The following AP3B2 variants were observed in gnomAD, a reference collection of about 807,000 sequenced individuals.
AP3B2 encodes the protein adaptor related protein complex 3 subunit beta 2, also known as AP-3 complex subunit beta-2.
A neutral mutation model predicts 126.9 loss-of-function variants in AP3B2; 50 were observed. The observed-to-expected ratio is 0.39, with a 90% CI of 0.31 to 0.50. The LOEUF (loss-of-function observed/expected upper bound fraction) is 0.50, where lower values mean the gene tolerates loss of function less well. AP3B2 is among the 20% of genes least tolerant of loss of function. The pLI is 0.79. For synonymous variants in AP3B2, 541 were observed against 565.0 expected, an observed-to-expected ratio of 0.96 and a Z score of 0.60; for missense variants, 1,177 against 1,426.4, an observed-to-expected ratio of 0.83 and a Z score of 2.82.
Position 82,663,316 on chromosome 15 carries a change from A to G in AP3B2, c.2498-83T>C, listed in dbSNP as rs556476310. On this transcript the variant is annotated intron_variant, in intron 21 of 26. Transcript: ENST00000535359. ...GGAGCCTAGGGATCAAGGAGCACGC[A>G]TTTCAGCACCATGGACAGCGGGGCA... The G allele has an allele frequency of 3.7e-4, 435 of 1,163,712 alleles. 2 individuals carry two copies. The East Asian group carries it at 7.5e-3, about 20-fold the overall frequency. 72.1% of individuals were successfully genotyped at this position (1,163,712 alleles called of 1,614,324 possible). A position where few individuals can be genotyped will look rare whatever the true frequency, so the allele number is the denominator to read the frequency against.
chr15:82,666,694 G>A lies in AP3B2; in HGVS notation c.1852+53C>T, dbSNP rs2048065248. 7.0e-6 allele frequency: 11 copies of A among 1,575,560 alleles called. No individual in the cohort carries two copies. In the South Asian group the frequency reaches 1.3e-4, roughly 19 times the overall value. ...CAGGAAGGTCTGGGGCAGAGACTCT[G>A]GCCAGTTCCTTTCCATTCCCCTAGG... is the stretch of plus-strand genomic sequence containing the variant. On this transcript the variant is annotated intron_variant, in intron 15 of 26. Transcript: ENST00000535359.
chr15:82,690,094 G>A (rs1297834926), intron 1 of AP3B2, among the ~76,000 whole-genome samples: 1 of 152,180 alleles, frequency 6.6e-6, no homozygotes, highest in African/African-American at 2.4e-5. Context: ...ACAACCAGAA[G>A]CTAGAAGGGG....
chr15:82,708,901 CAAG>C (rs1381419645), intron 1 of AP3B2: 8 of 152,264 alleles, frequency 5.3e-5, no homozygotes, highest in African/African-American at 1.9e-4. Flanking sequence ...ATCGTGAGGA[CAAG>C]AAGGGTCTCA....
chr15:82,692,798 T>C (rs1195610514), intron 1 of AP3B2: 1 of 151,834 alleles, frequency 6.6e-6, no homozygotes, highest in Non-Finnish European at 1.5e-5. Flanking sequence ...TCTAGTGGGA[T>C]GAATAAAGAT....
At chr15:82,687,316 T>C (rs1394472299) in intron 4 of AP3B2, 1 of 152,232 alleles carries the variant, frequency 6.6e-6, no homozygotes, top group Non-Finnish European at 1.5e-5. Flanking sequence ...AGTAGTTGCA[T>C]AGTTGAGACT....
At position 82,676,460 on chromosome 15, in the gene AP3B2, C is replaced by T; in HGVS notation, c.1665+1G>A. 1.2e-6 allele frequency: 2 copies of T among 1,613,560 alleles called. No individual in the cohort carries two copies. Among genetic ancestry groups the T allele is most frequent in the Non-Finnish European group, 1.7e-6 (2 of 1,179,656 alleles). ...CTGGGGGGTCATCTCTTAATCTTTA[C>T]CTGTTTAGAGTTGGTCAGGTAGAGC... On this transcript the variant is annotated splice_donor_variant, in intron 14 of 26. Coordinates refer to ENST00000535359, the MANE Select transcript of AP3B2 (RefSeq NM_001278512.2). LOFTEE classifies it high-confidence loss of function.
At chr15:82,703,624 C>CT (rs547767660) in intron 1 of AP3B2, among the ~76,000 whole-genome samples, 79 of 152,280 alleles carry the variant, frequency 5.2e-4, no homozygotes, top group African/African-American at 1.8e-3. Flanking sequence ...GAAAACGGCA[C>CT]TTTCGATTTT....
intron 4 of AP3B2, chr15:82,687,708 G>C (rs577194427): frequency 6.6e-6 from 1 of 152,294 alleles, no homozygotes; most frequent in African/African-American, 2.4e-5. Flanking sequence ...ACAAGGGGTG[G>C]GCCCTGGATT....
In AP3B2 at chr15:82,681,893, G is replaced by C. The variant is rs1293241077; in HGVS notation, c.361-313C>G. Among the ~76,000 whole-genome samples, 4 of 152,004 alleles carry C rather than the reference G, an allele frequency of 2.6e-5. No individual in the cohort carries two copies. Among genetic ancestry groups the C allele is most frequent in the Non-Finnish European group, 5.9e-5 (4 of 68,008 alleles). Reference sequence around the variant, plus strand: ...CCTGTTCCTTGTAAGGGTTTTTTTGGAGGTGCCTGTTTTAATGCCTGAGGT... The same window carrying C: ...CCTGTTCCTTGTAAGGGTTTTTTTGCAGGTGCCTGTTTTAATGCCTGAGGT... On this transcript the variant is annotated intron_variant, in intron 4 of 26. Coordinates refer to ENST00000535359, the MANE Select transcript of AP3B2 (RefSeq NM_001278512.2). This position sits in a 1 kb window ranked among gnomAD's most constrained non-coding sequence, Gnocchi z 4.0.
chr15:82,688,571 C>G lies in AP3B2; in HGVS notation c.360+165G>C, dbSNP rs1370947131. 90 of 725,880 alleles carry G rather than the reference C, an allele frequency of 1.2e-4. No individual in the cohort carries two copies. In the Admixed American group the frequency reaches 1.8e-3, roughly 15 times the overall value. 45.0% of individuals were successfully genotyped at this position (725,880 alleles called of 1,614,324 possible). A position where few individuals can be genotyped will look rare whatever the true frequency, so the allele number is the denominator to read the frequency against. ...CCCTTCTGAGCCCAGCTTCCACTCT[C>G]TGAGGGTCTGGCTGGCCTCTTCTGA... On this transcript the variant is annotated intron_variant, in intron 4 of 26. Transcript: ENST00000535359.
intron 1 of AP3B2, among the ~76,000 whole-genome samples, chr15:82,695,272 G>A (rs1242842037): frequency 2.6e-5 from 4 of 151,794 alleles, no homozygotes; most frequent in Non-Finnish European, 5.9e-5. Context: ...GCAAATTTTT[G>A]TATTTTTAAT....
At position 82,662,889 on chromosome 15, in the gene AP3B2, C is replaced by A; in HGVS notation, c.2638G>T (p.Glu880Ter). 6.2e-7 allele frequency: 1 copy of A among 1,613,484 alleles called. No individual in the cohort carries two copies. Among genetic ancestry groups the A allele is most frequent in the South Asian group, 1.1e-5 (1 of 90,990 alleles). The change falls in exon 23 of 27, where the codon GAG becomes TAG. Residue 880 changes from glutamate to a stop codon, truncating the protein, a stop_gained. Coordinates refer to ENST00000535359, the MANE Select transcript of AP3B2 (RefSeq NM_001278512.2). LOFTEE classifies it high-confidence loss of function. ...TCGCCAGCTACCCGGTGCAGCAGCT[C>A]CTGCCGCCCAACACCCGATACTGGA... ...LSPVSGVGRQELLHRVAGEGL... is the reference protein window; with the variant it reads ...LSPVSGVGRQ
In AP3B2 at chr15:82,677,659, G is replaced by A; in HGVS notation, c.1378+12C>T. The A allele has an allele frequency of 6.6e-7, 1 of 1,526,430 alleles. No homozygotes were observed. The highest frequency in any genetic ancestry group is 8.8e-7 in the Non-Finnish European group (1 of 1,135,486). The allele number at this position is 1,526,430 out of a possible 1,614,324, so 94.6% of individuals were successfully genotyped here. ...CTGATCATCACGGTTAGACACTCAGGGAAACACTGACCATCACGGTTGGAC... is the reference window on the plus strand; with the variant it reads ...CTGATCATCACGGTTAGACACTCAGAGAAACACTGACCATCACGGTTGGAC... On this transcript the variant is annotated intron_variant, in intron 12 of 26. Transcript: ENST00000535359.
intron 14 of AP3B2, among the ~76,000 whole-genome samples, chr15:82,675,114 G>A (rs752911273): frequency 4.6e-5 from 7 of 152,030 alleles, no homozygotes; most frequent in East Asian, 3.8e-4. Context: ...ACGATTGAAC[G>A]CTTCCCCATG....
At chr15:82,706,767 C>G (rs1206645773) in intron 1 of AP3B2, among the ~76,000 whole-genome samples, 1 of 152,188 alleles carries the variant, frequency 6.6e-6, no homozygotes, top group Non-Finnish European at 1.5e-5. Flanking sequence ...AGGTTACAAG[C>G]CGCTAGCCTG....
intron 21 of AP3B2, 146 bp downstream of exon 21, chr15:82,663,414 G>C: frequency 2.8e-6 from 3 of 1,089,092 alleles, no homozygotes; most frequent in Non-Finnish European, 4.1e-6. Context: ...GGTCAGCCCT[G>C]CTGCCCTCTC....
chr15:82,675,631 C>T (rs902436414), intron 14 of AP3B2, among the ~76,000 whole-genome samples: 21 of 152,202 alleles, frequency 1.4e-4, no homozygotes, highest in African/African-American at 5.1e-4. Context: ...GCAATACAGT[C>T]TGTTGCAACT....
At chr15:82,675,197 AC>A (rs1198790752) in intron 14 of AP3B2, among the ~76,000 whole-genome samples, 1 of 152,098 alleles carries the variant, frequency 6.6e-6, no homozygotes, top group African/African-American at 2.4e-5. Context: ...TGCCCACAAC[AC>A]TGATAACAAG....
intron 1 of AP3B2, among the ~76,000 whole-genome samples, chr15:82,697,206 C>T (rs2048642593): frequency 6.6e-6 from 1 of 152,012 alleles, no homozygotes; most frequent in Non-Finnish European, 1.5e-5. Context: ...TGGTGGCGGG[C>T]GTCTGTAGTC....
Sources: gnomAD v4.1 joint callset for allele counts (sites outside exome capture counted in the v4.1 genomes callset) on GRCh38, gnomAD v4.1.1 for gene constraint, Gnocchi (gnomAD v3.1) non-coding constraint, MANE v1.5 for transcripts, NCBI Gene and HGNC (gene_info 2026-07-23, HGNC 2026-07-21) for gene names.